The following TEX9 variants were observed in gnomAD, a reference collection of about 807,000 sequenced individuals.
TEX9 encodes the protein testis-expressed protein 9.
TEX9 carries 74 observed loss-of-function variants against 59.6 expected under a neutral mutation model. The ratio of observed to expected loss-of-function variants is 1.24; its 90% CI spans 1.03 to 1.51. The LOEUF (loss-of-function observed/expected upper bound fraction) is 1.51, where lower values mean the gene tolerates loss of function less well. Among genes scored for constraint, TEX9 ranks in the 40% most tolerant of loss-of-function variants. TEX9 has a pLI of 0.00. For synonymous variants in TEX9, 186 were observed against 152.2 expected (o/e 1.22, Z -1.64); for missense variants, 522 against 447.8 (o/e 1.17, Z -1.49).
chr15:56,264,678 C>T (rs1352069405), intron 1 of TEX9, among the ~76,000 whole-genome samples: 5 of 152,154 alleles, frequency 3.3e-5, no homozygotes, highest in Non-Finnish European at 7.4e-5. Context: ...ACATGTGTGA[C>T]CTAATGTCAC....
chr15:56,261,873 T>G (rs1392515693), intron 1 of TEX9, among the ~76,000 whole-genome samples: 1 of 152,140 alleles, frequency 6.6e-6, no homozygotes, highest in African/African-American at 2.4e-5. Context: ...CACCCAGGCC[T>G]AAGATCAACA....
chr15:56,280,737 G>A lies in TEX9; in HGVS notation c.-107+36459G>A, dbSNP rs146523524. Among the ~76,000 whole-genome samples, 537 of 152,300 alleles carry A rather than the reference G, an allele frequency of 3.5e-3. 5 individuals are homozygous for A. Among genetic ancestry groups the A allele is most frequent in the African/African-American group, 0.012 (481 of 41,564 alleles). On this transcript the variant is annotated intron_variant, in intron 1 of 5. Coordinates refer to the TEX9 transcript ENST00000560827. Reference sequence around the variant, plus strand: ...TATATAACAGAATCATTGAAGCTGGGAATGATTCCCACATCTGTCAGTCCT... The same window carrying A: ...TATATAACAGAATCATTGAAGCTGGAAATGATTCCCACATCTGTCAGTCCT...
At chr15:56,375,269 T>C (rs1238944209) in intron 3 of TEX9, among the ~76,000 whole-genome samples, 1 of 152,254 alleles carries the variant, frequency 6.6e-6, no homozygotes, top group Non-Finnish European at 1.5e-5. Flanking sequence ...TAGCCAGTGA[T>C]GGTGAGCATT....
At chr15:56,426,136 G>A (rs906656919) in intron 10 of TEX9, among the ~76,000 whole-genome samples, 5 of 152,032 alleles carry the variant, frequency 3.3e-5, no homozygotes, top group South Asian at 2.1e-4. Context: ...ACCTGTTTCC[G>A]CAGCTTCCAA....
At chr15:56,260,222 T>G (rs2044233412) in intron 1 of TEX9, among the ~76,000 whole-genome samples, 1 of 152,148 alleles carries the variant, frequency 6.6e-6, no homozygotes, top group Non-Finnish European at 1.5e-5. Context: ...CTCACAGCTC[T>G]TCTTTCATGC....
chr15:56,371,421 A>G (rs866460491), intron 2 of TEX9, among the ~76,000 whole-genome samples: 3 of 151,778 alleles, frequency 2.0e-5, no homozygotes, highest in African/African-American at 4.8e-5. Flanking sequence ...GCATTCTTTT[A>G]TGATAAAATC....
chr15:56,270,598 C>G (rs577952810), intron 1 of TEX9, among the ~76,000 whole-genome samples: 1 of 152,142 alleles, frequency 6.6e-6, no homozygotes, highest in Non-Finnish European at 1.5e-5. Context: ...ATTTGCCAGT[C>G]TGTGTCTTTT....
At chr15:56,350,272 G>T (rs2046552274) in intron 1 of TEX9, among the ~76,000 whole-genome samples, 1 of 152,038 alleles carries the variant, frequency 6.6e-6, no homozygotes, top group Admixed American at 6.6e-5. Flanking sequence ...TTCCCTGTTG[G>T]CAAGTGTGTA....
chr15:56,275,572 A>G (rs2044647916), intron 1 of TEX9, among the ~76,000 whole-genome samples: 1 of 152,164 alleles, frequency 6.6e-6, no homozygotes, highest in African/African-American at 2.4e-5. Flanking sequence ...TTAATCTTAT[A>G]TACTTTTTAG....
At position 56,427,630 on chromosome 15, in the gene TEX9, AAATTG is replaced by A. The variant is rs2050369166; in HGVS notation, c.992_996del (p.Ile331SerfsTer28). 2 of 1,544,494 alleles carry A rather than the reference AAATTG, an allele frequency of 1.3e-6. No individual in the cohort carries two copies. Among genetic ancestry groups the A allele is most frequent in the Admixed American group, 2.1e-5 (1 of 46,972 alleles). ...GACATAGCAAATGAAGAACACAAAA[AAATTG>A]AAGTGTTAAAATCAGAAAACAAGAA... On this transcript the variant is annotated frameshift_variant, in exon 11 of 13. Coordinates refer to ENST00000352903, the Ensembl canonical transcript of TEX9. LOFTEE classifies it high-confidence loss of function.
chr15:56,271,811 A>AG (rs2044539391), intron 1 of TEX9, among the ~76,000 whole-genome samples: 1 of 152,174 alleles, frequency 6.6e-6, no homozygotes, highest in South Asian at 2.1e-4. Context: ...TTTAGAAAAA[A>AG]TTCATATAAA....
At chr15:56,434,466 G>A in intron 12 of TEX9, 2 of 1,455,352 alleles carry the variant, frequency 1.4e-6, no homozygotes, top group South Asian at 2.6e-5. Context: ...AAGAGTGATA[G>A]AGTTTGGTTA....
At chr15:56,444,888 T>C (rs1317424690) in intron 12 of TEX9, among the ~76,000 whole-genome samples, 2 of 151,984 alleles carry the variant, frequency 1.3e-5, no homozygotes, top group Non-Finnish European at 2.9e-5. Flanking sequence ...TTCAAGTAGC[T>C]CTCTCAGGAC....
chr15:56,430,051 C>T (rs1202321903), intron 12 of TEX9: 1 of 152,090 alleles, frequency 6.6e-6, no homozygotes, highest in Non-Finnish European at 1.5e-5. Flanking sequence ...GCAGTAATTA[C>T]CTATATATCT....
intron 12 of TEX9, among the ~76,000 whole-genome samples, chr15:56,443,009 G>A (rs2050845469): frequency 6.6e-6 from 1 of 151,946 alleles, no homozygotes; most frequent in African/African-American, 2.4e-5. Flanking sequence ...TTATTATTTA[G>A]GTTCACACGC....
Position 56,344,425 on chromosome 15 carries a change from T to G in TEX9, c.-106-29016T>G, listed in dbSNP as rs1489309677. On this transcript the variant is annotated intron_variant, in intron 1 of 5. Transcript: ENST00000560827. ...GAAAGAAGCCAATCACAAAGGACTATGTTGTGTAATTCCATTTATATAAAA... is the reference window on the plus strand; with the variant it reads ...GAAAGAAGCCAATCACAAAGGACTAGGTTGTGTAATTCCATTTATATAAAA... Among the ~76,000 whole-genome samples, 10 of 152,276 alleles carry G rather than the reference T, an allele frequency of 6.6e-5. No homozygotes were observed. The South Asian group carries it at 1.7e-3, about 25-fold the overall frequency.
intron 9 of TEX9, chr15:56,395,161 C>A (rs6493856): frequency 0.42 from 126,323 of 302,150 alleles, 26,890 homozygotes; most frequent in Non-Finnish European, 0.44. Context: ...CCTAGGCAAC[C>A]ACTATTCTAT....
intron 1 of TEX9, among the ~76,000 whole-genome samples, chr15:56,296,107 T>A (rs989347994): frequency 2.6e-5 from 4 of 152,138 alleles, no homozygotes; most frequent in Non-Finnish European, 5.9e-5. Context: ...CTCCTTCTGT[T>A]CCATCTTAAA....
At chr15:56,260,755 T>A (rs1388326213) in intron 1 of TEX9, among the ~76,000 whole-genome samples, 1 of 151,908 alleles carries the variant, frequency 6.6e-6, no homozygotes, top group African/African-American at 2.4e-5. Context: ...TGTTCTAGCC[T>A]CAAAAAAATG....
Sources: gnomAD v4.1 joint callset for allele counts (sites outside exome capture counted in the v4.1 genomes callset) on GRCh38, gnomAD v4.1.1 for gene constraint, MANE v1.5 for transcripts, NCBI Gene and HGNC (gene_info 2026-07-23, HGNC 2026-07-21) for gene names.